Variants in TMEM132B observed in about 807,000 individuals in gnomAD.
TMEM132B encodes the protein transmembrane protein 132B.
TMEM132B carries 18 observed loss-of-function variants against 90.8 expected under a neutral mutation model. The observed-to-expected ratio is 0.20, with a 90% CI of 0.14 to 0.29. The LOEUF (loss-of-function observed/expected upper bound fraction) is 0.29, where lower values mean the gene tolerates loss of function less well. Ranked by LOEUF, TMEM132B falls within the 10% of genes least tolerant of loss-of-function variation. The pLI is 1.00. For synonymous variants in TMEM132B, 504 were observed against 523.3 expected, an observed-to-expected ratio of 0.96 and a Z score of 0.50; for missense variants, 1,096 against 1,326.8, an observed-to-expected ratio of 0.83 and a Z score of 2.70.
intron 3 of TMEM132B, among the ~76,000 whole-genome samples, chr12:125,514,924 A>G (rs1883069927): frequency 6.6e-6 from 1 of 152,112 alleles, no homozygotes; most frequent in Non-Finnish European, 1.5e-5. Flanking sequence ...CTGCAGCCAC[A>G]CTGTGCACTA....
At chr12:125,572,019 G>T (rs1260609820) in intron 4 of TMEM132B, among the ~76,000 whole-genome samples, 1 of 152,156 alleles carries the variant, frequency 6.6e-6, no homozygotes, top group Non-Finnish European at 1.5e-5. Context: ...CCTAGTCTTT[G>T]TCTTTTAGGC....
At chr12:125,240,313 C>T (rs757148150) in intron 1 of TMEM132B, among the ~76,000 whole-genome samples, 3 of 152,068 alleles carry the variant, frequency 2.0e-5, no homozygotes, top group Non-Finnish European at 4.4e-5. Flanking sequence ...CCATGGCATC[C>T]GTGGTAGAAC....
At chr12:125,483,939 A>G (rs1486731558) in intron 3 of TMEM132B, among the ~76,000 whole-genome samples, 1 of 152,126 alleles carries the variant, frequency 6.6e-6, no homozygotes, top group Non-Finnish European at 1.5e-5. Context: ...TTTGGGAGGG[A>G]GGAAGGATTA....
At chr12:125,401,237 G>A (rs1879312253) in intron 2 of TMEM132B, among the ~76,000 whole-genome samples, 2 of 152,118 alleles carry the variant, frequency 1.3e-5, no homozygotes, top group African/African-American at 2.4e-5. Context: ...TATTGATTAA[G>A]CTCCTCCCAT....
chr12:125,432,399 G>GTA (rs1880543336), intron 3 of TMEM132B, among the ~76,000 whole-genome samples: 1 of 10,192 alleles, frequency 9.8e-5, no homozygotes, highest in Non-Finnish European at 1.6e-4. Context: ...ATATATATAT[G>GTA]TATGTATGTG....
chr12:125,644,266 T>C lies in TMEM132B; in HGVS notation c.1628T>C (p.Val543Ala), dbSNP rs1479243722. 1.9e-6 allele frequency: 3 copies of C among 1,613,962 alleles called. No individual in the cohort carries two copies. The highest frequency in any genetic ancestry group is 3.3e-5 in the Admixed American group (2 of 59,998). ...CAGATCAAGGGCTGGAGGATCCCGGTTGCTGCCAACAGAAGGTGAGGAATC... is the reference window on the plus strand; with the variant it reads ...CAGATCAAGGGCTGGAGGATCCCGGCTGCTGCCAACAGAAGGTGAGGAATC... ...LSQIKGWRIP[V>A]AANRRPTRES... Residue 543 changes from valine (V) to alanine (A), a missense_variant, in exon 6 of 9, where the codon GTT (valine) becomes GCT (alanine). Val to Ala is a moderately conservative substitution (Grantham distance 64). Transcript: ENST00000682704.
At chr12:125,391,702 C>T (rs1879024505) in intron 2 of TMEM132B, among the ~76,000 whole-genome samples, 1 of 152,144 alleles carries the variant, frequency 6.6e-6, no homozygotes, top group African/African-American at 2.4e-5. Context: ...TATATCTCCT[C>T]CCAAACCCTA....
rs185850648 is a variant in TMEM132B, at chr12:125,629,226, A to G, written c.1438-14850A>G. On this transcript the variant is annotated intron_variant, in intron 5 of 8. Transcript: ENST00000682704. The stretch of plus-strand genomic sequence containing the variant: ...TTGATAGGGATTGCATTTAATCTGT[A>G]GATTGCTTTGGGTAGTATGCACATT... Among the ~76,000 whole-genome samples, 200 of 152,074 alleles carry G rather than the reference A, an allele frequency of 1.3e-3. 1 individual carries two copies. The highest frequency in any genetic ancestry group is 4.4e-3 in the African/African-American group (182 of 41,504).
At position 125,344,711 on chromosome 12, in the gene TMEM132B, A is replaced by T. The variant is rs1472471314; in HGVS notation, c.68-4741A>T. Among the ~76,000 whole-genome samples, 4 of 152,290 alleles carry T rather than the reference A, an allele frequency of 2.6e-5. No homozygotes were observed. In the East Asian group the frequency reaches 7.7e-4, roughly 29 times the overall value. On this transcript the variant is annotated intron_variant, in intron 1 of 8. Transcript: ENST00000682704. ...TACATTGGCATGAGTGGAATGGCTG[A>T]AGTTGCTGGTCAGCTCAGAGAAGGT...
At chr12:125,480,233 G>A (rs1882001839) in intron 3 of TMEM132B, among the ~76,000 whole-genome samples, 1 of 152,122 alleles carries the variant, frequency 6.6e-6, no homozygotes, top group Non-Finnish European at 1.5e-5. Context: ...TCAAAAGGTA[G>A]CAGAAGGCAA....
intron 1 of TMEM132B, among the ~76,000 whole-genome samples, chr12:125,271,201 T>G (rs1874829899): frequency 6.6e-6 from 1 of 152,186 alleles, no homozygotes; most frequent in African/African-American, 2.4e-5. Flanking sequence ...ACTCTTGGCC[T>G]CAAGGGATCC....
chr12:125,364,082 A>G (rs1245033349), intron 2 of TMEM132B, among the ~76,000 whole-genome samples: 1 of 152,222 alleles, frequency 6.6e-6, no homozygotes, highest in African/African-American at 2.4e-5. Flanking sequence ...TTTGTTGTAT[A>G]TAAACACATT....
intron 1 of TMEM132B, among the ~76,000 whole-genome samples, chr12:125,264,864 C>T (rs139739115): frequency 3.1e-4 from 47 of 152,314 alleles, no homozygotes; most frequent in African/African-American, 9.9e-4. Flanking sequence ...TCTTTCCTTA[C>T]GAAATTCATT....
In TMEM132B at chr12:125,650,904, A is replaced by G; in HGVS notation, c.1865A>G (p.Gln622Arg). Residue 622 changes from glutamine (Q) to arginine (R), a missense_variant, in exon 7 of 9, where the codon CAG (glutamine) becomes CGG (arginine). Transcript: ENST00000682704. ...KVEEPKIAQL[Q>R]DGRTLAGREP... is the part of the protein sequence containing the mutation. Reference sequence around the variant, plus strand: ...GAGGAGCCGAAAATCGCTCAGTTACAGGACGGCAGGACCCTGGCTGGTCGG... The same window carrying G: ...GAGGAGCCGAAAATCGCTCAGTTACGGGACGGCAGGACCCTGGCTGGTCGG... The G allele has an allele frequency of 6.2e-7, 1 of 1,613,478 alleles. No individual in the cohort carries two copies. Among genetic ancestry groups the G allele is most frequent in the Non-Finnish European group, 8.5e-7 (1 of 1,180,016 alleles).
intron 1 of TMEM132B, among the ~76,000 whole-genome samples, chr12:125,312,058 C>A (rs1876137327): frequency 6.6e-6 from 1 of 152,204 alleles, no homozygotes; most frequent in East Asian, 1.9e-4. Context: ...GCTCTGCCTA[C>A]AAGGGACAGC....
intron 2 of TMEM132B, among the ~76,000 whole-genome samples, chr12:125,362,600 A>G (rs757640993): frequency 4.9e-4 from 75 of 152,178 alleles, no homozygotes; most frequent in Non-Finnish European, 9.7e-4. Flanking sequence ...CACTCACCAC[A>G]TAGCAATGTC....
chr12:125,461,644 TTC>T (rs1881438568), intron 3 of TMEM132B, among the ~76,000 whole-genome samples: 1 of 152,214 alleles, frequency 6.6e-6, no homozygotes, highest in South Asian at 2.1e-4. Flanking sequence ...AAAACACATC[TTC>T]ATTCCAGTTT....
intron 2 of TMEM132B, among the ~76,000 whole-genome samples, chr12:125,381,725 C>T (rs1241352329): frequency 6.6e-6 from 1 of 152,090 alleles, no homozygotes; most frequent in Non-Finnish European, 1.5e-5. Flanking sequence ...TATGTGTATG[C>T]ATATGTGCGT....
chr12:125,328,108 G>A (rs1258571520), intron 1 of TMEM132B, among the ~76,000 whole-genome samples: 3 of 152,188 alleles, frequency 2.0e-5, no homozygotes, highest in Admixed American at 6.5e-5. Flanking sequence ...TCCATTCTCC[G>A]TAATAGCAGA....
Sources: allele counts gnomAD v4.1 joint callset (sites outside exome capture counted in the v4.1 genomes callset), GRCh38; gene constraint gnomAD v4.1.1; transcripts MANE v1.5; gene names NCBI Gene and HGNC (gene_info 2026-07-23, HGNC 2026-07-21).